Variants in CSMD1 observed in about 807,000 individuals in gnomAD.
CSMD1 encodes the protein CUB and sushi domain-containing protein 1.
CSMD1 carries 213 observed loss-of-function variants against 417.5 expected under a neutral mutation model. The observed-to-expected ratio is 0.51, with a 90% CI of 0.46 to 0.57. The LOEUF (loss-of-function observed/expected upper bound fraction) is 0.57. CSMD1 is among the 20% of genes least tolerant of loss of function. The probability of loss-of-function intolerance (pLI) is 0.00; values close to 1 mark genes in which losing one functional copy is unlikely to be tolerated. For synonymous variants in CSMD1, 2,862 were observed against 1,736.8 expected (o/e 1.65, Z -16.11); for missense variants, 6,923 against 4,529.7 (o/e 1.53, Z -15.17).
intron 18 of CSMD1, among the ~76,000 whole-genome samples, chr8:3,377,663 C>G (rs191852925): frequency 6.6e-6 from 1 of 152,074 alleles, no homozygotes; most frequent in South Asian, 2.1e-4. Flanking sequence ...CTTACTGTAC[C>G]GCACCTATCA....
intron 8 of CSMD1, among the ~76,000 whole-genome samples, chr8:3,602,609 G>A (rs753684393): frequency 6.6e-6 from 1 of 151,946 alleles, no homozygotes; most frequent in Non-Finnish European, 1.5e-5. Context: ...TTATTCTAAA[G>A]TAGAATATGG....
At chr8:3,733,635 T>A (rs902253312) in intron 6 of CSMD1, among the ~76,000 whole-genome samples, 1 of 152,068 alleles carries the variant, frequency 6.6e-6, no homozygotes, top group Non-Finnish European at 1.5e-5. Context: ...GAATCATTCC[T>A]CTGTCCAGAA....
At chr8:4,621,704 A>T (rs754841486) in intron 2 of CSMD1, among the ~76,000 whole-genome samples, 11 of 152,082 alleles carry the variant, frequency 7.2e-5, no homozygotes, top group African/African-American at 9.7e-5. Flanking sequence ...CTGTACAGTG[A>T]AATCTTAAAA....
chr8:2,999,986 C>T lies in CSMD1; in HGVS notation c.8175G>A (p.Lys2725=), dbSNP rs1346723439. The T allele has an allele frequency of 3.7e-6, 6 of 1,609,870 alleles. No homozygotes were observed. The highest frequency in any genetic ancestry group is 5.1e-6 in the Non-Finnish European group (6 of 1,179,040). The change falls in exon 53 of 70, where the codon AAG becomes AAA. Residue 2725 remains lysine, a synonymous_variant. Coordinates refer to ENST00000635120, the MANE Select transcript of CSMD1 (RefSeq NM_033225.6). The part of the protein sequence containing the change: ...TSVRICLQDH[K]WSGQTPVCVP... The stretch of plus-strand genomic sequence containing the variant: ...CACAGACAGGCGTTTGTCCAGACCA[C>T]TTGTGGTCTTGCAGGCATATCCTCA...
intron 3 of CSMD1, among the ~76,000 whole-genome samples, chr8:4,396,470 A>ACTC (rs1237886994): frequency 6.6e-6 from 1 of 152,046 alleles, no homozygotes; most frequent in African/African-American, 2.4e-5. Flanking sequence ...AGCCAGTCTC[A>ACTC]CTCTGCAATG....
intron 25 of CSMD1, among the ~76,000 whole-genome samples, chr8:3,300,970 AAAAAAAAAAAAG>A (rs1804350753): frequency 1.3e-5 from 2 of 149,544 alleles, no homozygotes; most frequent in Non-Finnish European, 1.5e-5. Flanking sequence ...AAAAAAAAAA[AAAAAAAAAAAAG>A]AGAAAGAAAA....
At chr8:3,595,047 T>A (rs1439384164) in intron 8 of CSMD1, among the ~76,000 whole-genome samples, 2 of 152,210 alleles carry the variant, frequency 1.3e-5, no homozygotes, top group African/African-American at 2.4e-5. Flanking sequence ...ACGTGAACCC[T>A]TGGGAACATT....
intron 1 of CSMD1, chr8:4,788,671 A>C: frequency 6.7e-6 from 4 of 592,696 alleles, no homozygotes; most frequent in Non-Finnish European, 1.2e-5. Context: ...TGAAAAGGTA[A>C]TTATAAATTA....
chr8:4,103,873 T>C (rs1489659184), intron 3 of CSMD1, among the ~76,000 whole-genome samples: 1 of 152,228 alleles, frequency 6.6e-6, no homozygotes, highest in Non-Finnish European at 1.5e-5. Context: ...GCTATATCTC[T>C]TGCAGTTAAT....
At chr8:3,689,972 A>G (rs757921526) in intron 7 of CSMD1, among the ~76,000 whole-genome samples, 49 of 152,364 alleles carry the variant, frequency 3.2e-4, no homozygotes, top group Non-Finnish European at 4.4e-4. Context: ...ACCAGTAAGT[A>G]CTGACATATG....
chr8:3,735,457 A>G (rs1796482622), intron 6 of CSMD1, among the ~76,000 whole-genome samples: 1 of 152,194 alleles, frequency 6.6e-6, no homozygotes, highest in Admixed American at 6.5e-5. Flanking sequence ...ATTAGGCAAA[A>G]TGTTTTAGAA....
chr8:3,834,623 GTTCT>G (rs1802572331), intron 5 of CSMD1, among the ~76,000 whole-genome samples: 1 of 152,150 alleles, frequency 6.6e-6, no homozygotes, highest in African/African-American at 2.4e-5. Context: ...GTTTCAGAGA[GTTCT>G]TTGAGTCTTT....
At chr8:4,440,346 T>C (rs1798395767) in intron 2 of CSMD1, among the ~76,000 whole-genome samples, 1 of 152,188 alleles carries the variant, frequency 6.6e-6, no homozygotes, top group Admixed American at 6.5e-5. Flanking sequence ...TGTAAATAAA[T>C]CATTACATAT....
intron 57 of CSMD1, among the ~76,000 whole-genome samples, chr8:2,970,992 GTCTC>G (rs1213166216): frequency 6.6e-6 from 1 of 152,074 alleles, no homozygotes; most frequent in African/African-American, 2.4e-5. Flanking sequence ...TTCTCCCTCT[GTCTC>G]TCTAAATATG....
chr8:4,148,243 A>G (rs564543758), intron 3 of CSMD1, among the ~76,000 whole-genome samples: 1 of 152,058 alleles, frequency 6.6e-6, no homozygotes, highest in African/African-American at 2.4e-5. Flanking sequence ...AAACAAAATG[A>G]AAAACTCAGC....
chr8:4,377,393 C>G (rs1042466555), intron 3 of CSMD1, among the ~76,000 whole-genome samples: 19 of 152,128 alleles, frequency 1.2e-4, no homozygotes, highest in African/African-American at 4.6e-4. Flanking sequence ...GTCGTTATAT[C>G]TAAACTACTT....
intron 37 of CSMD1, among the ~76,000 whole-genome samples, chr8:3,176,424 T>A (rs1361692392): frequency 6.6e-6 from 1 of 152,162 alleles, no homozygotes; most frequent in Non-Finnish European, 1.5e-5. Flanking sequence ...TTAAAAAGTG[T>A]GCATTCAAAA....
At chr8:3,530,772 T>G (rs1370606178) in intron 10 of CSMD1, among the ~76,000 whole-genome samples, 2 of 151,368 alleles carry the variant, frequency 1.3e-5, no homozygotes, top group African/African-American at 4.9e-5. Flanking sequence ...CAGGTGATTC[T>G]CCTGCCTTGG....
intron 5 of CSMD1, among the ~76,000 whole-genome samples, chr8:3,838,987 A>G (rs1238249087): frequency 7.9e-6 from 1 of 126,304 alleles, no homozygotes; most frequent in Non-Finnish European, 1.6e-5. Context: ...TATATTATAT[A>G]TCATATAATT....
Sources: gnomAD v4.1 joint callset for allele counts (sites outside exome capture counted in the v4.1 genomes callset) on GRCh38, gnomAD v4.1.1 for gene constraint, MANE v1.5 for transcripts, NCBI Gene and HGNC (gene_info 2026-07-23, HGNC 2026-07-21) for gene names.